Variants in LYPD1 observed in about 807,000 individuals in gnomAD.
The protein encoded by LYPD1 is ly6/PLAUR domain-containing protein 1.
A neutral mutation model predicts 14.2 loss-of-function variants in LYPD1; 14 were observed. The ratio of observed to expected loss-of-function variants is 0.99; its 90% confidence interval spans 0.65 to 1.54. LYPD1 has a LOEUF of 1.54. LYPD1 is among the 40% of genes most tolerant of loss of function. LYPD1 has a pLI of 0.00. For missense variants in LYPD1, 165 were observed against 175.7 expected, an observed-to-expected ratio of 0.94 and a Z score of 0.34; for synonymous variants, 85 against 70.6, an observed-to-expected ratio of 1.20 and a Z score of -1.02.
intron 2 of LYPD1, among the ~76,000 whole-genome samples, chr2:132,663,420 T>C (rs1009782614): frequency 6.6e-6 from 1 of 152,028 alleles, no homozygotes; most frequent in Admixed American, 6.5e-5. Flanking sequence ...ATTACAGGCA[T>C]GTGCCACCAC....
At position 132,669,779 on chromosome 2, in the gene LYPD1, C is replaced by A. The variant is rs1467781233; in HGVS notation, c.52+102G>T. 2.6e-6 allele frequency: 4 copies of A among 1,537,876 alleles called. No homozygotes were observed. Among genetic ancestry groups the A allele is most frequent in the Non-Finnish European group, 3.5e-6 (4 of 1,146,564 alleles). ...GCCAACTCCCGCTGGGCAGCCCCAG[C>A]GCAGGGCTGGCCCCGAGGTGGGCGC... On this transcript the variant is annotated intron_variant, in intron 1 of 2. Transcript: ENST00000397463. The surrounding 1 kb of genome is among the most constrained non-coding windows in gnomAD (Gnocchi z 4.3).
In LYPD1 at chr2:132,663,430, C is replaced by T. The variant is rs370092553; in HGVS notation, c.190+4970G>A. Among the ~76,000 whole-genome samples, 60 of 152,128 alleles carry T rather than the reference C, an allele frequency of 3.9e-4. 2 individuals are homozygous for T. In the South Asian group the frequency reaches 1.0e-2, roughly 25 times the overall value. On this transcript the variant is annotated intron_variant, in intron 2 of 2. Coordinates refer to ENST00000397463, the MANE Select transcript of LYPD1 (RefSeq NM_144586.7). ...CTGGGATTACAGGCATGTGCCACCA[C>T]GCCCAGCTAATTTTTTGTGTTTTTA...
rs765439381 is a variant in LYPD1, at chr2:132,670,002, G to A, written c.-70C>T. The stretch of plus-strand genomic sequence containing the variant: ...AGGCGACAGCAGCGGAGGCTGCCCC[G>A]GCTGCAGCGGCTGTGGCTGCCGAGG... On this transcript the variant is annotated 5_prime_UTR_variant, in exon 1 of 3. Coordinates refer to ENST00000397463, the MANE Select transcript of LYPD1 (RefSeq NM_144586.7). The surrounding 1 kb of genome is among the most constrained non-coding windows in gnomAD (Gnocchi z 4.5). The A allele has an allele frequency of 5.0e-6, 8 of 1,584,376 alleles. No homozygotes were observed. The highest frequency in any genetic ancestry group is 2.3e-5 in the South Asian group (2 of 88,868).
Position 132,668,393 on chromosome 2 carries a change from C to A in LYPD1, c.190+7G>T, listed in dbSNP as rs532042468. 15 of 1,601,218 alleles carry A rather than the reference C, an allele frequency of 9.4e-6. No individual in the cohort carries two copies. The highest frequency in any genetic ancestry group is 1.7e-4 in the Middle Eastern group (1 of 6,012). On this transcript the variant is annotated splice_region_variant and intron_variant, in intron 2 of 2. Transcript: ENST00000397463. ...AAGAGCGAGGGGGAGGGCTGCCAGG[C>A]TCTTACCGGCACTTTGCTCCATCAC...
In LYPD1 at chr2:132,652,019, G is replaced by A. The variant is rs1475931848; in HGVS notation, c.191-5739C>T. The stretch of plus-strand genomic sequence containing the variant: ...ATGGCTGGGTTCTAGCTGGACATGG[G>A]CCTGGTTTCCCTGAAACCTCATGGC... On this transcript the variant is annotated intron_variant, in intron 2 of 2. Coordinates refer to ENST00000397463, the MANE Select transcript of LYPD1 (RefSeq NM_144586.7). 3.9e-5 allele frequency among the ~76,000 whole-genome samples: 6 copies of A among 152,190 alleles called. No individual in the cohort carries two copies. In the East Asian group the frequency reaches 1.2e-3, roughly 29 times the overall value.
Position 132,645,987 on chromosome 2 carries a change from G to A in LYPD1, c.*58C>T, listed in dbSNP as rs1281855058. The A allele has an allele frequency of 7.6e-7, 1 of 1,322,298 alleles. No homozygotes were observed. The highest frequency in any genetic ancestry group is 1.5e-5 in the African/African-American group (1 of 67,086). 81.9% of individuals were successfully genotyped at this position (1,322,298 alleles called of 1,614,324 possible). On this transcript the variant is annotated 3_prime_UTR_variant, in exon 3 of 3. Coordinates refer to ENST00000397463, the MANE Select transcript of LYPD1 (RefSeq NM_144586.7). ...AGAAGAAACTCACTCAGGGAGGTGG[G>A]GGGTTGGGGGCGAGGGCTGGAAGAA...
Position 132,644,196 on chromosome 2 carries a change from A to G in LYPD1, c.*1849T>C, listed in dbSNP as rs1042619885. On this transcript the variant is annotated 3_prime_UTR_variant, in exon 3 of 3. Transcript: ENST00000397463. ...TTATCTCTGTCAGTCAGAATTGCAG[A>G]ACTGGTGGTGGTTACTTAAGTTGGA... Among the ~76,000 whole-genome samples the G allele has an allele frequency of 6.6e-6, 1 of 152,214 alleles. No individual in the cohort carries two copies. Among genetic ancestry groups the G allele is most frequent in the Admixed American group, 6.5e-5 (1 of 15,280 alleles).
At chr2:132,650,975 A>G (rs1339278379) in intron 2 of LYPD1, among the ~76,000 whole-genome samples, 1 of 152,206 alleles carries the variant, frequency 6.6e-6, no homozygotes, top group African/African-American at 2.4e-5. Flanking sequence ...ACTCTTAACC[A>G]TTATACTACA....
rs1278702903 is a variant in LYPD1, at chr2:132,644,428, A to G, written c.*1617T>C. ...TCTCTGAATAATTCTTTTTCCCCACATGAGGGATCTAAAAGTGTCTGAAAA... is the reference window on the plus strand; with the variant it reads ...TCTCTGAATAATTCTTTTTCCCCACGTGAGGGATCTAAAAGTGTCTGAAAA... On this transcript the variant is annotated 3_prime_UTR_variant, in exon 3 of 3. Transcript: ENST00000397463. Among the ~76,000 whole-genome samples, 1 of 152,202 alleles carries G rather than the reference A, an allele frequency of 6.6e-6. No homozygotes were observed. The highest frequency in any genetic ancestry group is 1.9e-4 in the East Asian group (1 of 5,198).
chr2:132,665,517 C>A (rs548045812), intron 2 of LYPD1, among the ~76,000 whole-genome samples: 119 of 152,172 alleles, frequency 7.8e-4, no homozygotes, highest in Non-Finnish European at 1.6e-3. Flanking sequence ...ACTCTTTGAA[C>A]TTTGCCTGGA....
At chr2:132,653,718 T>TATC (rs1682439441) in intron 2 of LYPD1, among the ~76,000 whole-genome samples, 1 of 152,210 alleles carries the variant, frequency 6.6e-6, no homozygotes, top group Non-Finnish European at 1.5e-5. Context: ...CAGCAGATAC[T>TATC]ATCTGAATCA....
At chr2:132,663,256 T>C (rs1228418596) in intron 2 of LYPD1, 2 of 152,208 alleles carry the variant, frequency 1.3e-5, no homozygotes, top group East Asian at 1.9e-4. Context: ...GATATCCAAA[T>C]ATGTTTTAAA....
Position 132,645,200 on chromosome 2 carries a change from T to G in LYPD1, c.*845A>C. 1 of 1,614,196 alleles carries G rather than the reference T, an allele frequency of 6.2e-7. No homozygotes were observed. On this transcript the variant is annotated 3_prime_UTR_variant, in exon 3 of 3. Transcript: ENST00000397463. ...AAGCACGACTGGACGAGGTCCTACTTCCGGGCGTACATGATCCTCCTCCCC... is the reference window on the plus strand; with the variant it reads ...AAGCACGACTGGACGAGGTCCTACTGCCGGGCGTACATGATCCTCCTCCCC...
At chr2:132,657,732 A>G (rs913101756) in intron 2 of LYPD1, among the ~76,000 whole-genome samples, 6 of 152,224 alleles carry the variant, frequency 3.9e-5, no homozygotes, top group African/African-American at 1.4e-4. Flanking sequence ...ATTTGTTGGT[A>G]TATGTGTTTC....
rs758803868 is a variant in LYPD1, at chr2:132,668,450, G to T, written c.140C>A (p.Thr47Lys). 62 of 1,610,206 alleles carry T rather than the reference G, an allele frequency of 3.9e-5. No individual in the cohort carries two copies. The highest frequency in any genetic ancestry group is 1.0e-4 in the Admixed American group (6 of 59,440). The change falls in exon 2 of 3, where the codon ACG becomes AAG. Residue 47 changes from threonine to lysine, a missense_variant. Transcript: ENST00000397463. The stretch of plus-strand genomic sequence containing the variant: ...CTGACACATGTCTTGAACGTTCACC[G>T]TGCAATTCACAATGAACTCGGGGGA... The part of the protein sequence containing the change: ...CSSPEFIVNC[T>K]VNVQDMCQKE...
In LYPD1 at chr2:132,644,353, G is replaced by T. The variant is rs1681941162; in HGVS notation, c.*1692C>A. On this transcript the variant is annotated 3_prime_UTR_variant, in exon 3 of 3. Coordinates refer to ENST00000397463, the MANE Select transcript of LYPD1 (RefSeq NM_144586.7). The stretch of plus-strand genomic sequence containing the variant: ...TGACAGCACAGCTCAGTGCTGCAAA[G>T]GAAGGGAACATGTTACTGGCTGAAC... 6.6e-6 allele frequency among the ~76,000 whole-genome samples: 1 copy of T among 152,208 alleles called. No homozygotes were observed. Among genetic ancestry groups the T allele is most frequent in the African/African-American group, 2.4e-5 (1 of 41,458 alleles).
At position 132,645,702 on chromosome 2, in the gene LYPD1, A is replaced by G; in HGVS notation, c.*343T>C. On this transcript the variant is annotated 3_prime_UTR_variant, in exon 3 of 3. Transcript: ENST00000397463. ...GTCTCAAACTATGCCCCCATCAGGG[A>G]TGGAATGGACACTGGAGGCTTTACA... 2 of 1,481,156 alleles carry G rather than the reference A, an allele frequency of 1.4e-6. No individual in the cohort carries two copies. Among genetic ancestry groups the G allele is most frequent in the Non-Finnish European group, 1.8e-6 (2 of 1,104,566 alleles). The allele number at this position is 1,481,156 out of a possible 1,614,324, so 91.8% of individuals were successfully genotyped here. A position where few individuals can be genotyped will look rare whatever the true frequency, so the allele number is the denominator to read the frequency against.
chr2:132,666,926 G>C (rs1683304891), intron 2 of LYPD1: 1 of 152,106 alleles, frequency 6.6e-6, no homozygotes, highest in Non-Finnish European at 1.5e-5. Context: ...ATTTTGTCTG[G>C]CTCTAAACTA....
Position 132,645,507 on chromosome 2 carries a change from T to TAAGTCC in LYPD1, c.*532_*537dup. On this transcript the variant is annotated 3_prime_UTR_variant, in exon 3 of 3. Coordinates refer to ENST00000397463, the MANE Select transcript of LYPD1 (RefSeq NM_144586.7). ...TTCAGAGCGAGGCCGAGCCCCAGTC[T>TAAGTCC]AAGTCCCAGTCATTGAGTCTCGAGT... 1 of 1,614,074 alleles carries TAAGTCC rather than the reference T, an allele frequency of 6.2e-7. No individual in the cohort carries two copies. The highest frequency in any genetic ancestry group is 1.1e-5 in the South Asian group (1 of 91,074).
Sources: gnomAD v4.1 joint callset for allele counts (sites outside exome capture counted in the v4.1 genomes callset) on GRCh38, gnomAD v4.1.1 for gene constraint, Gnocchi (gnomAD v3.1) non-coding constraint, MANE v1.5 for transcripts, NCBI Gene and HGNC (gene_info 2026-07-23, HGNC 2026-07-21) for gene names.